The following CPED1 variants were observed in gnomAD, a reference collection of about 807,000 sequenced individuals.
CPED1 encodes the protein cadherin-like and PC-esterase domain-containing protein 1.
In CPED1, 114 loss-of-function variants were observed where a neutral mutation model predicts 128.2. The ratio of observed to expected loss-of-function variants is 0.89; its 90% CI spans 0.76 to 1.04. The LOEUF (loss-of-function observed/expected upper bound fraction) is 1.04, where lower values mean the gene tolerates loss of function less well. Ranked by LOEUF, CPED1 falls within the 50% of genes least tolerant of loss-of-function variation. The pLI, the probability that CPED1 is intolerant of heterozygous loss-of-function variation, is 0.00. For synonymous variants in CPED1, 462 were observed against 426.7 expected, an observed-to-expected ratio of 1.08 and a Z score of -1.02; for missense variants, 1,211 against 1,207.1, an observed-to-expected ratio of 1.00 and a Z score of -0.05.
chr7:121,211,937 T>C (rs1170071714), intron 16 of CPED1, among the ~76,000 whole-genome samples: 1 of 152,046 alleles, frequency 6.6e-6, no homozygotes, highest in Non-Finnish European at 1.5e-5. Flanking sequence ...CAAGCTAAAA[T>C]GACACTCTTA....
chr7:121,010,286 C>G (rs755512710), intron 2 of CPED1, among the ~76,000 whole-genome samples: 2 of 152,096 alleles, frequency 1.3e-5, no homozygotes, highest in Non-Finnish European at 2.9e-5. Context: ...CAGTCTCGCT[C>G]TGTCACCATG....
intron 5 of CPED1, among the ~76,000 whole-genome samples, chr7:121,090,232 A>G (rs890790527): frequency 6.6e-6 from 1 of 152,168 alleles, no homozygotes; most frequent in African/African-American, 2.4e-5. Context: ...ATTTTGTACA[A>G]TGACTACCCC....
intron 5 of CPED1, among the ~76,000 whole-genome samples, chr7:121,078,494 GAAAGAAAAAAAAAAAAAAAAAA>G (rs1794193126): frequency 2.3e-4 from 9 of 39,554 alleles, no homozygotes; most frequent in African/African-American, 5.5e-4. Context: ...AAGAAAGAAA[GAAAGAAAAAAAAAAAAAAAAAA>G]AAAAAAAAAG....
Position 121,039,587 on chromosome 7 carries a change from TA to T in CPED1, c.434-7296del, listed in dbSNP as rs146724990. Among the ~76,000 whole-genome samples, 334 of 152,170 alleles carry T rather than the reference TA, an allele frequency of 2.2e-3. 9 individuals are homozygous for T. In the East Asian group the frequency reaches 0.059, roughly 27 times the overall value. Reference sequence around the variant, plus strand: ...GCATTTCAGACATTTAGAAATTTCGTAAAATGCAGTAATGAGAGTGTTGTCC... The same window carrying T: ...GCATTTCAGACATTTAGAAATTTCGTAAATGCAGTAATGAGAGTGTTGTCC... On this transcript the variant is annotated intron_variant, in intron 3 of 22. Coordinates refer to ENST00000310396, the MANE Select transcript of CPED1 (RefSeq NM_024913.5).
chr7:121,166,505 A>G (rs1286945856), intron 16 of CPED1, among the ~76,000 whole-genome samples: 1 of 152,208 alleles, frequency 6.6e-6, no homozygotes, highest in Non-Finnish European at 1.5e-5. Context: ...AGTTAAATAC[A>G]CATTCTAACA....
rs183079462 is a variant in CPED1 at position 121,115,649 on chromosome 7, G to A, written c.919-8682G>A. Among the ~76,000 whole-genome samples, 870 of 152,166 alleles carry A rather than the reference G, an allele frequency of 5.7e-3. 7 individuals are homozygous for A. Among genetic ancestry groups the A allele is most frequent in the Admixed American group, 8.6e-3 (132 of 15,286 alleles). Reference sequence around the variant, plus strand: ...AATGAATCCTTATTTGCAAATTTTTGTACTGCCTGTAACAAATATTACTTA... The same window carrying A: ...AATGAATCCTTATTTGCAAATTTTTATACTGCCTGTAACAAATATTACTTA... On this transcript the variant is annotated intron_variant, in intron 7 of 22. Transcript: ENST00000310396.
At chr7:121,157,911 A>G (rs1198688323) in intron 16 of CPED1, among the ~76,000 whole-genome samples, 1 of 152,176 alleles carries the variant, frequency 6.6e-6, no homozygotes, top group African/African-American at 2.4e-5. Flanking sequence ...TCTTTAGAAT[A>G]TTCTTTATAA....
In CPED1 at chr7:121,297,048, G is replaced by A. The variant is rs1288455327; in HGVS notation, c.*1396G>A. The A allele has an allele frequency of 6.6e-6, 1 of 151,642 alleles. No individual in the cohort carries two copies. The highest frequency in any genetic ancestry group is 2.4e-5 in the African/African-American group (1 of 41,288). 9.4% of individuals were successfully genotyped at this position (151,642 alleles called of 1,614,324 possible). On this transcript the variant is annotated 3_prime_UTR_variant, in exon 23 of 23. Coordinates refer to ENST00000310396, the MANE Select transcript of CPED1 (RefSeq NM_024913.5). ...GATAAACATGAATTTATATTTAACT[G>A]TCTTAAATTATATTTACATAAATGC...
intron 14 of CPED1, 133 bp from the exon 15 acceptor site, chr7:121,140,694 C>A: frequency 1.6e-6 from 1 of 634,318 alleles, no homozygotes; most frequent in Non-Finnish European, 2.7e-6. Context: ...GATCAGGGTA[C>A]TGATTGGAAA....
rs189672402 is a variant in CPED1 at position 121,219,678 on chromosome 7, G to T, written c.2056-17036G>T. Among the ~76,000 whole-genome samples the T allele has an allele frequency of 3.4e-3, 515 of 152,094 alleles. 1 individual carries two copies. Among genetic ancestry groups the T allele is most frequent in the African/African-American group, 0.012 (487 of 41,524 alleles). On this transcript the variant is annotated intron_variant, in intron 16 of 22. Coordinates refer to ENST00000310396, the MANE Select transcript of CPED1 (RefSeq NM_024913.5). ...AACACACAACTGTGTCACATTCTAT[G>T]ATGGCTCATTACTAGGTGGATTCTA...
intron 16 of CPED1, among the ~76,000 whole-genome samples, chr7:121,214,242 T>C (rs1162859740): frequency 9.2e-5 from 14 of 152,074 alleles, no homozygotes; most frequent in Admixed American, 9.2e-4. Flanking sequence ...GTGTCATTAA[T>C]AAATATCATA....
chr7:121,231,312 T>A (rs1798135134), intron 16 of CPED1, among the ~76,000 whole-genome samples: 1 of 152,096 alleles, frequency 6.6e-6, no homozygotes. Context: ...AAGAGATATC[T>A]GGGCATGGTT....
intron 12 of CPED1, among the ~76,000 whole-genome samples, chr7:121,133,250 T>C (rs11768783): frequency 0.011 from 1,680 of 152,128 alleles, 11 homozygotes; most frequent in Non-Finnish European, 0.016. Flanking sequence ...GTCCCAAATT[T>C]GAGGATTTAA....
chr7:121,184,134 C>G (rs1219886743), intron 16 of CPED1, among the ~76,000 whole-genome samples: 1 of 118,984 alleles, frequency 8.4e-6, no homozygotes, highest in Non-Finnish European at 1.8e-5. Context: ...GAGCGAGACT[C>G]TGTCTCAAAA....
chr7:121,251,015 A>C (rs1435847784), intron 18 of CPED1, among the ~76,000 whole-genome samples: 1 of 152,222 alleles, frequency 6.6e-6, no homozygotes, highest in Non-Finnish European at 1.5e-5. Context: ...ACAACAAAAA[A>C]AGAGAATTTT....
At chr7:121,282,475 G>A (rs528347497) in intron 22 of CPED1, among the ~76,000 whole-genome samples, 1 of 152,260 alleles carries the variant, frequency 6.6e-6, no homozygotes, top group Admixed American at 6.5e-5. Flanking sequence ...GCTCCTTACT[G>A]TACAGGTATC....
intron 21 of CPED1, among the ~76,000 whole-genome samples, chr7:121,269,840 T>G (rs1349844469): frequency 6.6e-6 from 1 of 151,986 alleles, no homozygotes. Context: ...ACTAGGTAAA[T>G]TATAAAGAAA....
chr7:121,087,519 A>G (rs1032268292), intron 5 of CPED1, among the ~76,000 whole-genome samples: 3 of 152,092 alleles, frequency 2.0e-5, no homozygotes, highest in African/African-American at 7.2e-5. Flanking sequence ...GTTATCCAAT[A>G]ATTTCCCATT....
At chr7:121,126,093 CTG>C (rs1049240389) in intron 9 of CPED1, among the ~76,000 whole-genome samples, 1 of 151,962 alleles carries the variant, frequency 6.6e-6, no homozygotes, top group African/African-American at 2.4e-5. Context: ...CTATGTGTCT[CTG>C]TAAAATAAAC....
Sources: allele counts gnomAD v4.1 joint callset (sites outside exome capture counted in the v4.1 genomes callset), GRCh38; gene constraint gnomAD v4.1.1; transcripts MANE v1.5; gene names NCBI Gene and HGNC (gene_info 2026-07-23, HGNC 2026-07-21).